The following ELOVL4 variants were observed in gnomAD, a reference collection of about 807,000 sequenced individuals.
ELOVL4 encodes the protein ELOVL fatty acid elongase 4.
ELOVL4 carries 18 observed loss-of-function variants against 42.1 expected under a neutral mutation model. The ratio of observed to expected loss-of-function variants is 0.43; its 90% confidence interval spans 0.30 to 0.63. The LOEUF (loss-of-function observed/expected upper bound fraction) is 0.63, where lower values mean the gene tolerates loss of function less well. ELOVL4 is among the 30% of genes least tolerant of loss of function. ELOVL4 has a pLI of 0.15. For missense variants in ELOVL4, 299 were observed against 376.2 expected (o/e 0.79, Z 1.70); for synonymous variants, 117 against 127.0 (o/e 0.92, Z 0.53).
chr6:79,929,714 C>T (rs1774412206), intron 1 of ELOVL4, among the ~76,000 whole-genome samples: 2 of 152,126 alleles, frequency 1.3e-5, no homozygotes, highest in African/African-American at 2.4e-5. Context: ...GAAGAATAGA[C>T]TAATGGTGAG....
intron 1 of ELOVL4, among the ~76,000 whole-genome samples, chr6:79,937,175 A>G (rs239526): frequency 0.27 from 40,627 of 152,056 alleles, 7,654 homozygotes; most frequent in African/African-American, 0.54. Flanking sequence ...CCTGAGAGTC[A>G]TTCAGCACAG....
intron 1 of ELOVL4, among the ~76,000 whole-genome samples, chr6:79,932,946 C>T (rs1329713552): frequency 6.6e-6 from 1 of 151,998 alleles, no homozygotes; most frequent in Non-Finnish European, 1.5e-5. Context: ...AGTCTTTTTT[C>T]ACGGGGCAGA....
intron 1 of ELOVL4, among the ~76,000 whole-genome samples, chr6:79,943,567 CTGA>C (rs1774683178): frequency 1.3e-5 from 2 of 152,200 alleles, no homozygotes; most frequent in Non-Finnish European, 2.9e-5. Context: ...AAGGACTTTT[CTGA>C]TCTTCCCTAG....
intron 1 of ELOVL4, among the ~76,000 whole-genome samples, chr6:79,928,741 T>TTG (rs1774392509): frequency 7.0e-6 from 1 of 142,508 alleles, no homozygotes; most frequent in Admixed American, 6.9e-5. Flanking sequence ...TTTTTTTTTT[T>TTG]TTTTTTTTTT....
chr6:79,926,439 C>T (rs756224861), intron 1 of ELOVL4, 58 bp from the exon 2 acceptor site: 15 of 1,515,568 alleles, frequency 9.9e-6, no homozygotes, highest in Non-Finnish European at 1.3e-5. Context: ...TTATAAAATA[C>T]ACTTTTTAGG....
At position 79,915,962 on chromosome 6, in the gene ELOVL4, CACCAG is replaced by C. The variant is rs1774152448; in HGVS notation, c.*641_*645del. The C allele has an allele frequency of 6.5e-6, 1 of 152,752 alleles. No individual in the cohort carries two copies. The highest frequency in any genetic ancestry group is 1.5e-5 in the Non-Finnish European group (1 of 68,154). The allele number at this position is 152,752 out of a possible 1,614,324, so 9.5% of individuals were successfully genotyped here. ...CCTCAAGTCATGGTGATCTCTGGGT[CACCAG>C]ACAAGACTTTACTGCAATTCTTTCT... On this transcript the variant is annotated 3_prime_UTR_variant, in exon 6 of 6. Coordinates refer to ENST00000369816, the MANE Select transcript of ELOVL4 (RefSeq NM_022726.4).
chr6:79,928,143 T>C (rs1204469612), intron 1 of ELOVL4, among the ~76,000 whole-genome samples: 1 of 152,112 alleles, frequency 6.6e-6, no homozygotes, highest in African/African-American at 2.4e-5. Flanking sequence ...AAACCCCCTA[T>C]ATTAGAGAAG....
intron 1 of ELOVL4, among the ~76,000 whole-genome samples, chr6:79,942,296 A>C (rs1361232957): frequency 6.6e-6 from 1 of 152,184 alleles, no homozygotes; most frequent in Admixed American, 6.5e-5. Context: ...TGAAATCCAA[A>C]CCCACATGAT....
In ELOVL4 at chr6:79,941,164, G is replaced by A. The variant is rs952888797; in HGVS notation, c.100+6016C>T. 5.9e-5 allele frequency among the ~76,000 whole-genome samples: 9 copies of A among 152,172 alleles called. 2 individuals carry two copies. In the South Asian group the frequency reaches 1.4e-3, roughly 24 times the overall value. ...TTTACCTATTCCAAGAATAAAGAAAGTGATATCTATATCTAGACTTTTAGA... is the reference window on the plus strand; with the variant it reads ...TTTACCTATTCCAAGAATAAAGAAAATGATATCTATATCTAGACTTTTAGA... On this transcript the variant is annotated intron_variant, in intron 1 of 5. Coordinates refer to ENST00000369816, the MANE Select transcript of ELOVL4 (RefSeq NM_022726.4).
chr6:79,943,013 CT>C (rs1213478317), intron 1 of ELOVL4, among the ~76,000 whole-genome samples: 202 of 143,890 alleles, frequency 1.4e-3, no homozygotes, highest in Admixed American at 1.4e-3. Context: ...TTCTTTCTTT[CT>C]TTTTTTTTTT....
intron 1 of ELOVL4, among the ~76,000 whole-genome samples, chr6:79,928,818 C>G (rs1582049538): frequency 6.8e-6 from 1 of 146,248 alleles, no homozygotes. Flanking sequence ...TGGCTCACTG[C>G]AGCCTCCACC....
intron 5 of ELOVL4, among the ~76,000 whole-genome samples, chr6:79,919,155 C>G (rs961482087): frequency 2.6e-5 from 4 of 152,110 alleles, no homozygotes; most frequent in African/African-American, 7.2e-5. Context: ...ATCCTTTCCA[C>G]AAACATCTTT....
chr6:79,943,237 A>G (rs1774676510), intron 1 of ELOVL4, among the ~76,000 whole-genome samples: 1 of 152,210 alleles, frequency 6.6e-6, no homozygotes. Context: ...AGCAATCCCT[A>G]AGACAAACCT....
In ELOVL4 at chr6:79,926,322, T is replaced by C. The variant is rs902862339; in HGVS notation, c.160A>G (p.Thr54Ala). The change falls in exon 2 of 6, where the codon ACT becomes GCT. Residue 54 changes from threonine (T) to alanine (A), a missense_variant. Coordinates refer to ENST00000369816, the MANE Select transcript of ELOVL4 (RefSeq NM_022726.4). Reference sequence around the variant, plus strand: ...AGCCACACAAACAGGAGATAAAGAGTGCTTATACTTAGTGTAGGCCAAGGA... The same window carrying C: ...AGCCACACAAACAGGAGATAAAGAGCGCTTATACTTAGTGTAGGCCAAGGA... ...QSPWPTLSISTLYLLFVWLGP... is the reference protein window; with the variant it reads ...QSPWPTLSISALYLLFVWLGP... 6 of 1,613,802 alleles carry C rather than the reference T, an allele frequency of 3.7e-6. No individual in the cohort carries two copies. Among genetic ancestry groups the C allele is most frequent in the Non-Finnish European group, 5.1e-6 (6 of 1,179,960 alleles).
intron 3 of ELOVL4, among the ~76,000 whole-genome samples, chr6:79,922,102 C>CT (rs1325415177): frequency 6.6e-6 from 1 of 152,170 alleles, no homozygotes; most frequent in African/African-American, 2.4e-5. Context: ...ATTCAGACTG[C>CT]TGTGCTTTTC....
chr6:79,925,079 G>A (rs925349529), intron 2 of ELOVL4, 47 bp from the exon 3 acceptor site: 1 of 1,221,618 alleles, frequency 8.2e-7, no homozygotes, highest in Admixed American at 1.7e-5. Flanking sequence ...AGTAAACACA[G>A]CATTAAAAAC....
At chr6:79,935,337 A>G (rs1561988937) in intron 1 of ELOVL4, among the ~76,000 whole-genome samples, 1 of 152,156 alleles carries the variant, frequency 6.6e-6, no homozygotes, top group Non-Finnish European at 1.5e-5. Flanking sequence ...AGCTAAGCTA[A>G]TAAAGTTTTA....
chr6:79,947,306 A>C lies in ELOVL4; in HGVS notation c.-27T>G. 1 of 1,582,596 alleles carries C rather than the reference A, an allele frequency of 6.3e-7. No homozygotes were observed. Among genetic ancestry groups the C allele is most frequent in the East Asian group, 2.2e-5 (1 of 44,482 alleles). On this transcript the variant is annotated 5_prime_UTR_variant, in exon 1 of 6. Coordinates refer to ENST00000369816, the MANE Select transcript of ELOVL4 (RefSeq NM_022726.4). ...GCGGCGATGAGCGGGCGCTGGCGGC[A>C]GGAGAAAGCGGAGACCCAGAGAGAG... is the stretch of plus-strand genomic sequence containing the variant.
chr6:79,944,637 A>C (rs1303306367), intron 1 of ELOVL4, among the ~76,000 whole-genome samples: 2 of 152,180 alleles, frequency 1.3e-5, no homozygotes. Context: ...ATATGTTTGG[A>C]TATTTAAAGC....
Sources: allele counts gnomAD v4.1 joint callset (sites outside exome capture counted in the v4.1 genomes callset), GRCh38; gene constraint gnomAD v4.1.1; transcripts MANE v1.5; gene names NCBI Gene and HGNC (gene_info 2026-07-23, HGNC 2026-07-21).